DYNC2H1: variants seen among roughly 807,000 people sequenced by gnomAD.
The protein encoded by DYNC2H1 is cytoplasmic dynein 2 heavy chain 1.
A neutral mutation model predicts 570.0 loss-of-function variants in DYNC2H1; 410 were observed. The observed-to-expected ratio is 0.72, with a 90% CI of 0.66 to 0.78. DYNC2H1 has a LOEUF of 0.78. Among genes scored for constraint, DYNC2H1 ranks in the 30% least tolerant of loss-of-function variants. The pLI is 0.00. For synonymous variants in DYNC2H1, 1,688 were observed against 1,677.6 expected (o/e 1.01, Z -0.15); for missense variants, 4,865 against 5,046.4 (o/e 0.96, Z 1.09).
Position 103,237,471 on chromosome 11 carries a change from T to A in DYNC2H1, c.9819+932T>A, listed in dbSNP as rs576159013. On this transcript the variant is annotated intron_variant, in intron 63 of 88. Coordinates refer to ENST00000375735, the MANE Select transcript of DYNC2H1 (RefSeq NM_001377.3). ...GCTTCAGCTCACTGTATTGGTAACT[T>A]ACCGGTAGAGAAGTTGCTGACCACT... 3.3e-5 allele frequency among the ~76,000 whole-genome samples: 5 copies of A among 152,190 alleles called. No homozygotes were observed. The East Asian group carries it at 9.6e-4, about 29-fold the overall frequency.
intron 82 of DYNC2H1, among the ~76,000 whole-genome samples, chr11:103,353,401 G>C (rs762645036): frequency 2.0e-5 from 3 of 152,050 alleles, no homozygotes; most frequent in Non-Finnish European, 4.4e-5. Context: ...TATGTGTTCT[G>C]TATGTGATCT....
intron 20 of DYNC2H1, among the ~76,000 whole-genome samples, chr11:103,149,445 A>T (rs183097023): frequency 4.6e-5 from 7 of 152,356 alleles, no homozygotes; most frequent in Admixed American, 4.6e-4. Flanking sequence ...AATAATTCAA[A>T]TTAGTGTACA....
Position 103,125,212 on chromosome 11 carries a change from C to T in DYNC2H1, c.1774C>T (p.Leu592Phe), listed in dbSNP as rs180861816. 2.0e-4 allele frequency: 328 copies of T among 1,613,478 alleles called. No individual in the cohort carries two copies. In the Middle Eastern group the frequency reaches 3.1e-3, roughly 15 times the overall value. The change falls in exon 12 of 89, where the codon CTT (leucine) becomes TTT (phenylalanine). Residue 592 changes from leucine (L) to phenylalanine (F), a missense_variant. Coordinates refer to ENST00000375735, the MANE Select transcript of DYNC2H1 (RefSeq NM_001377.3). ...GAGAGAAGTTCGTCAGCTCTCTGCA[C>T]TTGGCTTTGTTATTCCTGCCAAAAT... ...LLREVRQLSA[L>F]GFVIPAKIQQ... is the part of the protein sequence containing the mutation.
intron 83 of DYNC2H1, among the ~76,000 whole-genome samples, chr11:103,381,051 G>A (rs1191286397): frequency 2.6e-5 from 4 of 152,212 alleles, no homozygotes; most frequent in Non-Finnish European, 4.4e-5. Flanking sequence ...AGGGAGCATG[G>A]AGGTGATATA....
intron 88 of DYNC2H1, among the ~76,000 whole-genome samples, chr11:103,476,681 G>A (rs1275151779): frequency 1.3e-5 from 2 of 152,010 alleles, no homozygotes; most frequent in African/African-American, 4.8e-5. Flanking sequence ...ATTTTTTGGG[G>A]GACATACTGA....
intron 83 of DYNC2H1, among the ~76,000 whole-genome samples, chr11:103,385,424 T>TC (rs1941831401): frequency 6.6e-6 from 1 of 152,170 alleles, no homozygotes; most frequent in Non-Finnish European, 1.5e-5. Context: ...CTGTTTTTTT[T>TC]CAGCTGAATC....
chr11:103,204,774 C>A lies in DYNC2H1; in HGVS notation c.8312-48C>A. On this transcript the variant is annotated intron_variant, in intron 51 of 88. Transcript: ENST00000375735. This position sits in a 1 kb window ranked among gnomAD's most constrained non-coding sequence, Gnocchi z 4.1. ...AAAATTTTGATCTCTTTAACCCAGA[C>A]CACGTATAGATTGCCTGATTGTATT... 1 of 1,486,076 alleles carries A rather than the reference C, an allele frequency of 6.7e-7. No homozygotes were observed. Among genetic ancestry groups the A allele is most frequent in the East Asian group, 2.5e-5 (1 of 40,614 alleles). 92.1% of individuals were successfully genotyped at this position (1,486,076 alleles called of 1,614,324 possible). A position where few individuals can be genotyped will look rare whatever the true frequency, so the allele number is the denominator to read the frequency against.
At chr11:103,148,661 A>G (rs1860368824) in intron 20 of DYNC2H1, 44 bp downstream of exon 20, 1 of 1,527,100 alleles carries the variant, frequency 6.5e-7, no homozygotes, top group African/African-American at 1.4e-5. Context: ...TTTTTACTGC[A>G]TGGAAAATGT....
intron 83 of DYNC2H1, among the ~76,000 whole-genome samples, chr11:103,365,774 A>G (rs555597953): frequency 2.6e-5 from 4 of 152,334 alleles, no homozygotes; most frequent in African/African-American, 9.6e-5. Flanking sequence ...TAAAACCTAC[A>G]TCTTTGGCTT....
chr11:103,243,378 A>G lies in DYNC2H1; in HGVS notation c.9820-315A>G, dbSNP rs1864494450. Among the ~76,000 whole-genome samples, 2 of 152,158 alleles carry G rather than the reference A, an allele frequency of 1.3e-5. No homozygotes were observed. Among genetic ancestry groups the G allele is most frequent in the African/African-American group, 2.4e-5 (1 of 41,444 alleles). ...CTGCAAATGACATCAGCTTGAGACT[A>G]AAGCTCTTGCTTAGCATAATGTTAG... is the stretch of plus-strand genomic sequence containing the variant. On this transcript the variant is annotated intron_variant, in intron 63 of 88. Coordinates refer to ENST00000375735, the MANE Select transcript of DYNC2H1 (RefSeq NM_001377.3). The surrounding 1 kb of genome is among the most constrained non-coding windows in gnomAD (Gnocchi z 4.8).
Position 103,172,509 on chromosome 11 carries a change from A to G in DYNC2H1, c.5335-573A>G, listed in dbSNP as rs140429075. ...AGATTTCTTGGTTTTTCTACTCTAG[A>G]TGCTTCTACTTACTAATTGCCCATT... On this transcript the variant is annotated intron_variant, in intron 34 of 88. Transcript: ENST00000375735. Among the ~76,000 whole-genome samples, 504 of 151,996 alleles carry G rather than the reference A, an allele frequency of 3.3e-3. 3 individuals carry two copies. Among genetic ancestry groups the G allele is most frequent in the African/African-American group, 0.011 (469 of 41,480 alleles).
At chr11:103,316,172 T>G (rs1937825259) in intron 79 of DYNC2H1, among the ~76,000 whole-genome samples, 2 of 151,950 alleles carry the variant, frequency 1.3e-5, no homozygotes, top group African/African-American at 4.8e-5. Context: ...CCTTTTTTTG[T>G]GCAGTATTTT....
chr11:103,455,811 C>G (rs1324100827), intron 86 of DYNC2H1, among the ~76,000 whole-genome samples: 2 of 152,034 alleles, frequency 1.3e-5, no homozygotes, highest in African/African-American at 4.8e-5. Flanking sequence ...TCTTACCACA[C>G]TCAGATTATC....
At chr11:103,443,134 G>C (rs17100868) in intron 85 of DYNC2H1, among the ~76,000 whole-genome samples, 27,075 of 151,840 alleles carry the variant, frequency 0.18, 2,619 homozygotes, top group Admixed American at 0.26. Context: ...ATAAATCCCA[G>C]CTATCAAAAT....
intron 85 of DYNC2H1, among the ~76,000 whole-genome samples, chr11:103,452,661 T>C (rs910062122): frequency 6.6e-6 from 1 of 151,996 alleles, no homozygotes; most frequent in African/African-American, 2.4e-5. Flanking sequence ...TATTCTAGGA[T>C]AGCCTTTTAC....
At position 103,363,352 on chromosome 11, in the gene DYNC2H1, AGAG is replaced by A. The variant is rs1236436158; in HGVS notation, c.12156+4997_12156+4999del. Among the ~76,000 whole-genome samples, 1 of 152,174 alleles carries A rather than the reference AGAG, an allele frequency of 6.6e-6. No homozygotes were observed. The highest frequency in any genetic ancestry group is 1.5e-5 in the Non-Finnish European group (1 of 68,022). On this transcript the variant is annotated intron_variant, in intron 83 of 88. Transcript: ENST00000375735. This position sits in a 1 kb window ranked among gnomAD's most constrained non-coding sequence, Gnocchi z 5.6. ...TTAGATATGTTTATAAGTGAGCTGG[AGAG>A]GAGATCTACTAGTGTGTTATTTCAA...
chr11:103,344,366 C>T (rs1158137496), intron 82 of DYNC2H1, among the ~76,000 whole-genome samples: 2 of 152,170 alleles, frequency 1.3e-5, no homozygotes, highest in Admixed American at 6.5e-5. Context: ...CCATCTAATT[C>T]GGAATAAATG....
chr11:103,115,515 C>T (rs974247515), intron 4 of DYNC2H1, among the ~76,000 whole-genome samples: 1 of 152,034 alleles, frequency 6.6e-6, no homozygotes, highest in African/African-American at 2.4e-5. Context: ...AACAAAATTA[C>T]GCCTGGGCAT....
intron 75 of DYNC2H1, among the ~76,000 whole-genome samples, chr11:103,290,585 G>A (rs552628322): frequency 7.3e-4 from 111 of 152,168 alleles, no homozygotes; most frequent in Middle Eastern, 6.8e-3. Context: ...CTGGCCTTTG[G>A]GTTAACTGGA....
Sources: gnomAD v4.1 joint callset for allele counts (sites outside exome capture counted in the v4.1 genomes callset) on GRCh38, gnomAD v4.1.1 for gene constraint, Gnocchi (gnomAD v3.1) non-coding constraint, MANE v1.5 for transcripts, NCBI Gene and HGNC (gene_info 2026-07-23, HGNC 2026-07-21) for gene names.